The following DCAF6 variants were observed in gnomAD, a reference collection of about 807,000 sequenced individuals.
The protein encoded by DCAF6 is DDB1- and CUL4-associated factor 6.
Under a neutral mutation model 125.1 loss-of-function variants are expected in DCAF6, and 54 were observed. The ratio of observed to expected loss-of-function variants is 0.43; its 90% CI spans 0.35 to 0.54. The LOEUF (loss-of-function observed/expected upper bound fraction) is 0.54, where lower values mean the gene tolerates loss of function less well. Ranked by LOEUF, DCAF6 falls within the 20% of genes least tolerant of loss-of-function variation. The probability of loss-of-function intolerance (pLI) is 0.01; values close to 1 mark genes in which losing one functional copy is unlikely to be tolerated. For synonymous variants in DCAF6, 371 were observed against 390.4 expected (o/e 0.95, Z 0.58); for missense variants, 934 against 1,161.7 (o/e 0.80, Z 2.85).
At chr1:167,864,784 C>T in the DCAF6 span, among the ~76,000 whole-genome samples, 28,496 of 151,656 alleles carry the variant, frequency 0.19, 2,785 homozygotes, top group Middle Eastern at 0.27. Context: ...TTAGTGTAAA[C>T]AAGGGCGTAT....
At chr1:168,064,565 T>G (rs1267800040) in intron 18 of DCAF6, among the ~76,000 whole-genome samples, 2 of 152,204 alleles carry the variant, frequency 1.3e-5, no homozygotes, top group Non-Finnish European at 1.5e-5. Context: ...TCTATAAATG[T>G]CATTGCTAGT....
the DCAF6 span, chr1:167,901,797 G>A: frequency 6.2e-7 from 1 of 1,614,212 alleles, no homozygotes; most frequent in Middle Eastern, 1.6e-4. Flanking sequence ...AGGGCTAGCA[G>A]TGCATCACCT....
intron 13 of DCAF6, among the ~76,000 whole-genome samples, chr1:168,041,910 A>ACG (rs1277518864): frequency 2.0e-5 from 3 of 151,436 alleles, no homozygotes; most frequent in Non-Finnish European, 4.4e-5. Context: ...ACACACACAC[A>ACG]CACACACACA....
Position 167,936,862 on chromosome 1 carries a change from TC to T in DCAF6, c.-46del. Reference sequence around the variant, plus strand: ...TGAAACGGGTGTCCCCTCCCCCTCCTCCCCTCCCCCACGCGGTGGTCTCCCC... The same window carrying T: ...TGAAACGGGTGTCCCCTCCCCCTCCTCCCTCCCCCACGCGGTGGTCTCCCC... On this transcript the variant is annotated 5_prime_UTR_variant, in exon 1 of 22. Transcript: ENST00000367840. The T allele has an allele frequency of 1.2e-6, 1 of 812,604 alleles. No individual in the cohort carries two copies. The highest frequency in any genetic ancestry group is 2.0e-6 in the Non-Finnish European group (1 of 497,820). 50.3% of individuals were successfully genotyped at this position (812,604 alleles called of 1,614,324 possible).
rs74120593 is a variant in DCAF6 at position 168,004,463 on chromosome 1, A to C, written c.1118-70A>C. The C allele has an allele frequency of 4.9e-5, 71 of 1,437,784 alleles. No individual in the cohort carries two copies. In the Admixed American group the frequency reaches 5.8e-4, roughly 12 times the overall value. 89.1% of individuals were successfully genotyped at this position (1,437,784 alleles called of 1,614,324 possible). A position where few individuals can be genotyped will look rare whatever the true frequency, so the allele number is the denominator to read the frequency against. On this transcript the variant is annotated intron_variant, in intron 9 of 21. Coordinates refer to ENST00000367840, the MANE Select transcript of DCAF6 (RefSeq NM_001198956.2). ...GTAAATATAAATGTGTTTTCTGAGC[A>C]TATCTGTTTAGAGTTGTTGGTTTTA...
chr1:167,904,716 T>C, the DCAF6 span: 1 of 608,396 alleles, frequency 1.6e-6, no homozygotes, highest in Non-Finnish European at 2.9e-6. Flanking sequence ...CTGGAGAGGA[T>C]GAGTCAGTGA....
chr1:167,876,727 A>T, the DCAF6 span, among the ~76,000 whole-genome samples: 2 of 152,236 alleles, frequency 1.3e-5, no homozygotes, highest in South Asian at 4.1e-4. Context: ...TAATGGCCCC[A>T]GTACCTGTAT....
chr1:168,049,843 T>G (rs1225782948), intron 16 of DCAF6, among the ~76,000 whole-genome samples: 1 of 150,132 alleles, frequency 6.7e-6, no homozygotes, highest in South Asian at 2.1e-4. Flanking sequence ...TTTTAGTAGA[T>G]ACGGGGTTTC....
intron 16 of DCAF6, among the ~76,000 whole-genome samples, chr1:168,048,099 C>T (rs12073071): frequency 0.029 from 4,425 of 152,154 alleles, 217 homozygotes; most frequent in African/African-American, 0.1. Context: ...GTAATTAGTC[C>T]TATGATTTTG....
At chr1:168,059,633 A>G (rs1211739048) in intron 17 of DCAF6, among the ~76,000 whole-genome samples, 1 of 152,126 alleles carries the variant, frequency 6.6e-6, no homozygotes, top group East Asian at 1.9e-4. Context: ...TTATGTCTAC[A>G]TTTATTTAGG....
chr1:167,908,849 A>G, the DCAF6 span, among the ~76,000 whole-genome samples: 1 of 152,258 alleles, frequency 6.6e-6, no homozygotes, highest in Non-Finnish European at 1.5e-5. Context: ...AATCAAATGC[A>G]TAAGCACGAG....
chr1:168,071,233 A>G (rs1237583982), intron 21 of DCAF6, among the ~76,000 whole-genome samples: 1 of 152,174 alleles, frequency 6.6e-6, no homozygotes, highest in African/African-American at 2.4e-5. Context: ...TAACCACTCA[A>G]CTCTGCCATT....
the DCAF6 span, among the ~76,000 whole-genome samples, chr1:167,872,952 C>A: frequency 6.6e-6 from 1 of 151,794 alleles, no homozygotes; most frequent in Non-Finnish European, 1.5e-5. Flanking sequence ...CACCTGTAAT[C>A]CCAGCTACTT....
At chr1:167,988,730 A>C (rs1251491024) in intron 5 of DCAF6, among the ~76,000 whole-genome samples, 3 of 152,180 alleles carry the variant, frequency 2.0e-5, no homozygotes, top group Non-Finnish European at 4.4e-5. Flanking sequence ...AACATGCTTT[A>C]GGGGAAAAAG....
chr1:167,978,199 A>G (rs1487302576), intron 4 of DCAF6, among the ~76,000 whole-genome samples: 1 of 152,236 alleles, frequency 6.6e-6, no homozygotes, highest in Admixed American at 6.5e-5. Flanking sequence ...GTGTCTTTTC[A>G]GTACACAAAT....
intron 7 of DCAF6, among the ~76,000 whole-genome samples, chr1:167,993,775 AC>A: frequency 1.3e-5 from 2 of 151,664 alleles, no homozygotes; most frequent in African/African-American, 4.8e-5. Flanking sequence ...AACAACAACA[AC>A]AACAAAAACC....
chr1:167,990,195 T>C (rs1680632364), intron 5 of DCAF6, among the ~76,000 whole-genome samples: 1 of 152,060 alleles, frequency 6.6e-6, no homozygotes, highest in Non-Finnish European at 1.5e-5. Flanking sequence ...GAGACCCTAT[T>C]TGTACAAAAT....
intron 1 of DCAF6, 44 bp from the exon 2 acceptor site, chr1:167,951,756 A>G (rs1230075139): frequency 4.0e-6 from 5 of 1,256,272 alleles, no homozygotes; most frequent in Non-Finnish European, 5.8e-6. Context: ...TATTTTTCTC[A>G]GTATTTGTGT....
At chr1:168,038,333 T>C (rs930196469) in intron 12 of DCAF6, 38 bp from the exon 13 acceptor site, 46 of 1,465,902 alleles carry the variant, frequency 3.1e-5, no homozygotes, top group Non-Finnish European at 3.7e-5. Flanking sequence ...TTTACTGGTT[T>C]CAGAGACTTT....
Sources: allele counts gnomAD v4.1 joint callset (sites outside exome capture counted in the v4.1 genomes callset), GRCh38; gene constraint gnomAD v4.1.1; transcripts MANE v1.5; gene names NCBI Gene and HGNC (gene_info 2026-07-23, HGNC 2026-07-21).